SVEP1: variants seen among roughly 807,000 people sequenced by gnomAD.
SVEP1 encodes the protein sushi, von Willebrand factor type A, EGF and pentraxin domain-containing protein 1.
A neutral mutation model predicts 367.3 loss-of-function variants in SVEP1; 164 were observed. The observed-to-expected ratio is 0.45, with a 90% confidence interval of 0.39 to 0.51. The LOEUF is 0.51. Ranked by LOEUF, SVEP1 falls within the 20% of genes least tolerant of loss-of-function variation. SVEP1 has a pLI of 0.00. For missense variants in SVEP1, 4,117 were observed against 4,425.3 expected, an observed-to-expected ratio of 0.93 and a Z score of 1.98; for synonymous variants, 1,666 against 1,611.6, an observed-to-expected ratio of 1.03 and a Z score of -0.81.
At chr9:110,456,574 A>C (rs1486937677) in intron 21 of SVEP1, among the ~76,000 whole-genome samples, 1 of 152,172 alleles carries the variant, frequency 6.6e-6, no homozygotes, top group Non-Finnish European at 1.5e-5. Context: ...TTTGTGGTGA[A>C]TTCCTTTACT....
Position 110,579,211 on chromosome 9 carries a change from G to T in SVEP1, c.333C>A (p.Ser111=). 1 of 1,571,308 alleles carries T rather than the reference G, an allele frequency of 6.4e-7. No homozygotes were observed. ...TGGCCGTGGGCACCACGGGGAAGTC[G>T]GACAGCAGCTTGCGGACGAACATGA... The part of the protein sequence containing the change: ...SELMFVRKLL[S]DFPVVPTATR... Residue 111 remains serine (S), a synonymous_variant, in exon 1 of 48, where the codon TCC becomes TCA. Transcript: ENST00000374469. The surrounding 1 kb of genome is among the most constrained non-coding windows in gnomAD (Gnocchi z 5.3).
rs370101287 is a variant in SVEP1 at position 110,489,632 on chromosome 9, C to A, written c.1930+18G>T. ...AGATGACGTTTGGATGGGGAAACAA[C>A]CAAACTATATCACTTACCAATAACC... On this transcript the variant is annotated intron_variant, in intron 9 of 47. Coordinates refer to ENST00000374469, the MANE Select transcript of SVEP1 (RefSeq NM_153366.4). The A allele has an allele frequency of 6.2e-6, 10 of 1,603,788 alleles. No homozygotes were observed. In the East Asian group the frequency reaches 9.0e-5, roughly 14 times the overall value.
intron 37 of SVEP1, among the ~76,000 whole-genome samples, chr9:110,409,708 T>C (rs1176579344): frequency 1.3e-5 from 2 of 152,226 alleles, no homozygotes; most frequent in Non-Finnish European, 2.9e-5. Context: ...GTCTTAAGAA[T>C]ACTATCAAAA....
chr9:110,410,195 G>T (rs1240361437), intron 37 of SVEP1, among the ~76,000 whole-genome samples: 1 of 152,212 alleles, frequency 6.6e-6, no homozygotes, highest in Non-Finnish European at 1.5e-5. Flanking sequence ...GTTGTACTGT[G>T]TATATATGTG....
chr9:110,448,414 T>C (rs1828640258), intron 24 of SVEP1, among the ~76,000 whole-genome samples: 1 of 152,236 alleles, frequency 6.6e-6, no homozygotes, highest in Non-Finnish European at 1.5e-5. Context: ...TACGAAGACC[T>C]CTTTGATATT....
chr9:110,454,422 T>C (rs1161019726), intron 22 of SVEP1, among the ~76,000 whole-genome samples: 1 of 152,226 alleles, frequency 6.6e-6, no homozygotes, highest in African/African-American at 2.4e-5. Flanking sequence ...CTTCTGCGTA[T>C]GGTTGGCCAG....
At position 110,458,505 on chromosome 9, in the gene SVEP1, C is replaced by T; in HGVS notation, c.3542G>A (p.Gly1181Glu). The stretch of plus-strand genomic sequence containing the variant: ...GATTTCATGCCTCTTTTTAATATGT[C>T]CAAGAGAGGCAGGGGGCACCACACT... ...EESVVPPASL[G>E]HIKKRHEISS... The change falls in exon 20 of 48, where the codon GGA becomes GAA. Residue 1181 changes from glycine to glutamate, a missense_variant. Gly to Glu is a moderately conservative substitution (Grantham distance 98). Transcript: ENST00000374469. 1 of 1,612,904 alleles carries T rather than the reference C, an allele frequency of 6.2e-7. No homozygotes were observed. The highest frequency in any genetic ancestry group is 8.5e-7 in the Non-Finnish European group (1 of 1,179,558).
chr9:110,430,027 C>A (rs1400839137), intron 33 of SVEP1, 23 bp from the exon 34 acceptor site: 1 of 1,607,684 alleles, frequency 6.2e-7, no homozygotes, highest in Non-Finnish European at 8.5e-7. Flanking sequence ...AAAACAAACA[C>A]GTGACTTTTT....
chr9:110,499,376 T>A, intron 6 of SVEP1, 138 bp from the exon 7 acceptor site: 1 of 739,024 alleles, frequency 1.4e-6, no homozygotes. Flanking sequence ...ATATATGACA[T>A]TGAATGTATA....
chr9:110,550,221 T>C, intron 1 of SVEP1, 117 bp from the exon 2 acceptor site: 1 of 1,351,914 alleles, frequency 7.4e-7, no homozygotes, highest in East Asian at 2.3e-5. Context: ...GCATGAGGGA[T>C]GGAAGCCCTA....
intron 36 of SVEP1, among the ~76,000 whole-genome samples, chr9:110,426,928 C>T (rs1828262250): frequency 1.3e-5 from 2 of 152,112 alleles, no homozygotes; most frequent in African/African-American, 4.8e-5. Context: ...GATATGTCAT[C>T]TTTATGTTAT....
intron 2 of SVEP1, among the ~76,000 whole-genome samples, chr9:110,548,856 C>T (rs1167255265): frequency 6.6e-6 from 1 of 152,162 alleles, no homozygotes; most frequent in East Asian, 1.9e-4. Context: ...TGCATGGTGG[C>T]TCATGTCTGT....
intron 3 of SVEP1, among the ~76,000 whole-genome samples, chr9:110,533,144 G>A (rs7873899): frequency 0.72 from 108,944 of 151,824 alleles, 39,941 homozygotes; most frequent in Admixed American, 0.79. Flanking sequence ...CTCACCTGCC[G>A]CTCACCTCCT....
chr9:110,390,207 G>C (rs62571872), intron 40 of SVEP1, among the ~76,000 whole-genome samples: 67,945 of 102,766 alleles, frequency 0.66, 22,300 homozygotes, highest in Middle Eastern at 0.8. Flanking sequence ...AAGTATGTAT[G>C]TATATACTTG....
At chr9:110,390,336 C>T (rs55952871) in intron 40 of SVEP1, among the ~76,000 whole-genome samples, 14 of 22,996 alleles carry the variant, frequency 6.1e-4, no homozygotes, top group South Asian at 3.9e-3. Flanking sequence ...TATATATACA[C>T]ATACTTATAT....
intron 2 of SVEP1, 92 bp from the exon 3 acceptor site, chr9:110,546,383 A>G: frequency 7.2e-7 from 1 of 1,382,102 alleles, no homozygotes; most frequent in Non-Finnish European, 9.8e-7. Flanking sequence ...AAGCTGGAGA[A>G]AATATCTTTC....
intron 3 of SVEP1, among the ~76,000 whole-genome samples, chr9:110,522,395 C>T (rs1829886893): frequency 6.6e-6 from 1 of 152,162 alleles, no homozygotes; most frequent in African/African-American, 2.4e-5. Flanking sequence ...CAAGGTTCTG[C>T]ATACCAACTT....
chr9:110,551,999 G>A (rs557295134), intron 1 of SVEP1, among the ~76,000 whole-genome samples: 9 of 150,594 alleles, frequency 6.0e-5, no homozygotes, highest in African/African-American at 1.2e-4. Flanking sequence ...TAATGACAGC[G>A]GACAATAGAG....
In SVEP1 at chr9:110,406,014, A is replaced by C. The variant is rs1588037173; in HGVS notation, c.9440+146T>G. On this transcript the variant is annotated intron_variant, in intron 38 of 47. Transcript: ENST00000374469. ...TGGATTTCTACATAATTGTAGGTAG[A>C]ATAAAGCCAAGTGTTAAAAGCACCA... The C allele has an allele frequency of 6.1e-6, 6 of 976,214 alleles. No individual in the cohort carries two copies. In the East Asian group the frequency reaches 1.7e-4, roughly 27 times the overall value. 60.5% of individuals were successfully genotyped at this position (976,214 alleles called of 1,614,324 possible). A position where few individuals can be genotyped will look rare whatever the true frequency, so the allele number is the denominator to read the frequency against.
Sources: allele counts gnomAD v4.1 joint callset (sites outside exome capture counted in the v4.1 genomes callset), GRCh38; gene constraint gnomAD v4.1.1; non-coding constraint Gnocchi (gnomAD v3.1); transcripts MANE v1.5; gene names NCBI Gene and HGNC (gene_info 2026-07-23, HGNC 2026-07-21).